Variants in RPS6KA5 observed in about 807,000 individuals in gnomAD.
RPS6KA5 encodes the protein ribosomal protein S6 kinase alpha-5.
RPS6KA5 carries 27 observed loss-of-function variants against 85.5 expected under a neutral mutation model. The observed-to-expected ratio is 0.32, with a 90% CI of 0.23 to 0.44. The LOEUF (loss-of-function observed/expected upper bound fraction) is 0.44. Ranked by LOEUF, RPS6KA5 falls within the 20% of genes least tolerant of loss-of-function variation. The pLI is 1.00. For synonymous variants in RPS6KA5, 334 were observed against 348.2 expected (o/e 0.96, Z 0.46); for missense variants, 811 against 980.9 (o/e 0.83, Z 2.31).
rs2032693457 is a variant in RPS6KA5 at position 90,863,955 on chromosome 14, T to TA, written c.*8118dup. On this transcript the variant is annotated 3_prime_UTR_variant, in exon 17 of 17. Transcript: ENST00000614987. ...ACTATTAGAACTATTAGATAAAAGT[T>TA]AGAGGTCTTACACTACCAGATATGA... is the stretch of plus-strand genomic sequence containing the variant. The TA allele has an allele frequency of 6.6e-6, 1 of 152,234 alleles. No individual in the cohort carries two copies. The highest frequency in any genetic ancestry group is 2.4e-5 in the African/African-American group (1 of 41,456). The allele number at this position is 152,234 out of a possible 1,614,324, so 9.4% of individuals were successfully genotyped here. A position where few individuals can be genotyped will look rare whatever the true frequency, so the allele number is the denominator to read the frequency against.
intron 5 of RPS6KA5, among the ~76,000 whole-genome samples, chr14:90,936,352 A>G (rs147371270): frequency 6.6e-5 from 10 of 152,202 alleles, no homozygotes; most frequent in African/African-American, 2.4e-4. Flanking sequence ...GGATTTTTTG[A>G]GATCAGTCCA....
At position 90,894,539 on chromosome 14, in the gene RPS6KA5, C is replaced by G; in HGVS notation, c.1518G>C (p.Leu506=). ...GCTTCTTTTTCTTAATGCGCTCAAA[C>G]AGTTCTCCTCCATTCAGAAGTTCCA... The part of the protein sequence containing the change: ...LVMELLNGGE[L]FERIKKKKHF... Residue 506 remains leucine (L), a synonymous_variant, in exon 13 of 17, where the codon CTG becomes CTC. Coordinates refer to ENST00000614987, the MANE Select transcript of RPS6KA5 (RefSeq NM_004755.4). 1 of 1,614,162 alleles carries G rather than the reference C, an allele frequency of 6.2e-7. No individual in the cohort carries two copies. The highest frequency in any genetic ancestry group is 8.5e-7 in the Non-Finnish European group (1 of 1,180,026).
At chr14:91,026,177 T>C (rs1351769249) in intron 1 of RPS6KA5, among the ~76,000 whole-genome samples, 1 of 152,198 alleles carries the variant, frequency 6.6e-6, no homozygotes, top group African/African-American at 2.4e-5. Context: ...GACATGATTT[T>C]GTTATTTTTT....
intron 2 of RPS6KA5, among the ~76,000 whole-genome samples, chr14:90,994,561 A>AG (rs1416785053): frequency 2.9e-4 from 18 of 61,942 alleles, no homozygotes; most frequent in African/African-American, 1.1e-3. Flanking sequence ...GATGTTTGTG[A>AG]TTTTTTTTTT....
chr14:90,887,330 G>A (rs1280286728), intron 14 of RPS6KA5, among the ~76,000 whole-genome samples: 1 of 151,944 alleles, frequency 6.6e-6, no homozygotes, highest in Non-Finnish European at 1.5e-5. Flanking sequence ...ACTGGCATGA[G>A]CCACCATGCC....
rs1363125511 is a variant in RPS6KA5, at chr14:90,858,060, A to G, written c.*14014T>C. On this transcript the variant is annotated 3_prime_UTR_variant, in exon 17 of 17. Coordinates refer to ENST00000614987, the MANE Select transcript of RPS6KA5 (RefSeq NM_004755.4). Reference sequence around the variant, plus strand: ...CACCAGATTTTTGCTTTTGGCCACAATAGAGTAGCTTGTGATTGGACTAGC... The same window carrying G: ...CACCAGATTTTTGCTTTTGGCCACAGTAGAGTAGCTTGTGATTGGACTAGC... The G allele has an allele frequency of 1.3e-5, 2 of 152,194 alleles. No individual in the cohort carries two copies. The highest frequency in any genetic ancestry group is 2.9e-5 in the Non-Finnish European group (2 of 68,040). 9.4% of individuals were successfully genotyped at this position (152,194 alleles called of 1,614,324 possible).
At chr14:90,933,536 T>C (rs1444046229) in intron 5 of RPS6KA5, among the ~76,000 whole-genome samples, 1 of 152,234 alleles carries the variant, frequency 6.6e-6, no homozygotes, top group East Asian at 1.9e-4. Context: ...CTCCATAGTC[T>C]AGGCCAGTTC....
chr14:90,958,390 C>T (rs1252062158), intron 3 of RPS6KA5, among the ~76,000 whole-genome samples: 11 of 152,120 alleles, frequency 7.2e-5, no homozygotes, highest in Non-Finnish European at 1.3e-4. Context: ...CTCTTAGCAA[C>T]GCATTATAAT....
chr14:90,923,084 C>A (rs200267466), intron 6 of RPS6KA5, 29 bp downstream of exon 6: 201 of 1,483,656 alleles, frequency 1.4e-4, no homozygotes, highest in Non-Finnish European at 1.8e-4. Context: ...TATAGAAATA[C>A]ATAAAGAAGC....
intron 2 of RPS6KA5, among the ~76,000 whole-genome samples, chr14:90,980,565 A>G (rs11620665): frequency 0.022 from 3,290 of 152,312 alleles, 45 homozygotes; most frequent in Non-Finnish European, 0.031. Flanking sequence ...GATTCTTACA[A>G]CATTCCTATA....
intron 2 of RPS6KA5, among the ~76,000 whole-genome samples, chr14:90,998,007 G>GAAAAAA (rs58227226): frequency 3.3e-5 from 2 of 59,900 alleles, no homozygotes; most frequent in Non-Finnish European, 6.1e-5. Flanking sequence ...GACTCTGTCT[G>GAAAAAA]AAAAAAAAAA....
intron 14 of RPS6KA5, among the ~76,000 whole-genome samples, chr14:90,881,578 G>A (rs1482510828): frequency 6.6e-6 from 1 of 151,996 alleles, no homozygotes; most frequent in Non-Finnish European, 1.5e-5. Flanking sequence ...TTGGCTCACT[G>A]CAACCTCTGC....
chr14:90,957,747 A>C (rs2038597272), intron 3 of RPS6KA5, among the ~76,000 whole-genome samples: 1 of 152,108 alleles, frequency 6.6e-6, no homozygotes, highest in African/African-American at 2.4e-5. Context: ...TCCACATACG[A>C]CAGAGTTAAG....
At chr14:90,918,831 A>G (rs755099375) in intron 7 of RPS6KA5, among the ~76,000 whole-genome samples, 1 of 152,250 alleles carries the variant, frequency 6.6e-6, no homozygotes, top group African/African-American at 2.4e-5. Flanking sequence ...TCATTTGTCT[A>G]TCCTGACACC....
chr14:90,974,037 C>CAAAAAAAAAAAAAAAA (rs56212923), intron 3 of RPS6KA5, among the ~76,000 whole-genome samples: 1 of 61,458 alleles, frequency 1.6e-5, no homozygotes, highest in African/African-American at 6.2e-5. Flanking sequence ...GACTCCATCT[C>CAAAAAAAAAAAAAAAA]AAAAAAAAAA....
chr14:91,002,884 A>G (rs866309519), intron 1 of RPS6KA5, among the ~76,000 whole-genome samples: 1 of 152,164 alleles, frequency 6.6e-6, no homozygotes, highest in Non-Finnish European at 1.5e-5. Flanking sequence ...ATAATTTTAT[A>G]GTAAGAACAA....
intron 1 of RPS6KA5, among the ~76,000 whole-genome samples, chr14:91,056,171 A>C (rs984908178): frequency 5.9e-5 from 9 of 152,226 alleles, no homozygotes; most frequent in African/African-American, 1.9e-4. Context: ...CACAATACAT[A>C]AACTTCCTCG....
Position 90,852,249 on chromosome 14 carries a change from C to T in RPS6KA5, c.*19825G>A, listed in dbSNP as rs1300982038. The T allele has an allele frequency of 1.3e-5, 2 of 151,998 alleles. No individual in the cohort carries two copies. The highest frequency in any genetic ancestry group is 4.8e-5 in the African/African-American group (2 of 41,380). 9.4% of individuals were successfully genotyped at this position (151,998 alleles called of 1,614,324 possible). On this transcript the variant is annotated 3_prime_UTR_variant, in exon 17 of 17. Transcript: ENST00000614987. ...ACCTGGGACTACAGGTGCCCACCAC[C>T]ATGCCTGGCTAATTTTTTGTATTTT...
intron 1 of RPS6KA5, among the ~76,000 whole-genome samples, chr14:91,043,172 T>C (rs757726569): frequency 3.3e-5 from 5 of 152,184 alleles, no homozygotes; most frequent in Non-Finnish European, 5.9e-5. Context: ...TTTCTCCTGG[T>C]TTTTCTTCTG....
Sources: gnomAD v4.1 joint callset for allele counts (sites outside exome capture counted in the v4.1 genomes callset) on GRCh38, gnomAD v4.1.1 for gene constraint, MANE v1.5 for transcripts, NCBI Gene and HGNC (gene_info 2026-07-23, HGNC 2026-07-21) for gene names.